The following EEA1 variants were observed in gnomAD, a reference collection of about 807,000 sequenced individuals.
EEA1 encodes early endosome antigen 1, 162kD.
EEA1 carries 111 observed loss-of-function variants against 209.2 expected under a neutral mutation model. The observed-to-expected ratio is 0.53, with a 90% CI of 0.45 to 0.62. EEA1 has a LOEUF of 0.62. Among genes scored for constraint, EEA1 ranks in the 20% least tolerant of loss-of-function variants. EEA1 has a pLI of 0.00. For missense variants in EEA1, 1,343 were observed against 1,530.8 expected, an observed-to-expected ratio of 0.88 and a Z score of 2.05; for synonymous variants, 536 against 540.6, an observed-to-expected ratio of 0.99 and a Z score of 0.12.
intron 1 of EEA1, among the ~76,000 whole-genome samples, chr12:92,908,797 CTT>C (rs1201139528): frequency 2.0e-5 from 3 of 152,016 alleles, no homozygotes; most frequent in African/African-American, 7.2e-5. Flanking sequence ...CATTTTATAT[CTT>C]AAATTTGAAT....
At chr12:92,780,950 A>C (rs1353525868) in intron 23 of EEA1, among the ~76,000 whole-genome samples, 1 of 152,212 alleles carries the variant, frequency 6.6e-6, no homozygotes, top group Non-Finnish European at 1.5e-5. Context: ...TCTATCACCC[A>C]GGCTGGAGTG....
chr12:92,856,597 T>C (rs1287231809), intron 5 of EEA1, among the ~76,000 whole-genome samples: 1 of 151,618 alleles, frequency 6.6e-6, no homozygotes, highest in African/African-American at 2.4e-5. Context: ...GCTAGTAATA[T>C]CTCTTTCCCT....
chr12:92,890,462 G>A (rs1260318007), intron 2 of EEA1, among the ~76,000 whole-genome samples: 2 of 152,006 alleles, frequency 1.3e-5, no homozygotes, highest in African/African-American at 2.4e-5. Flanking sequence ...ACTGAGAGAA[G>A]GTTAAAAAGA....
intron 17 of EEA1, among the ~76,000 whole-genome samples, chr12:92,809,988 T>C (rs981824784): frequency 1.3e-5 from 2 of 152,330 alleles, no homozygotes; most frequent in Non-Finnish European, 2.9e-5. Context: ...TTTAATCTCT[T>C]GGACTAGATG....
intron 21 of EEA1, among the ~76,000 whole-genome samples, chr12:92,790,699 T>A (rs765270011): frequency 6.6e-6 from 1 of 152,138 alleles, no homozygotes; most frequent in Non-Finnish European, 1.5e-5. Context: ...AAAACACTCT[T>A]CAGGATATTA....
At chr12:92,911,078 T>C (rs570739270) in intron 1 of EEA1, among the ~76,000 whole-genome samples, 169 of 150,560 alleles carry the variant, frequency 1.1e-3, no homozygotes, top group African/African-American at 4.0e-3. Flanking sequence ...AGTTTGGTAG[T>C]TCCTTACAAA....
chr12:92,838,275 T>C (rs1249010571), intron 10 of EEA1, among the ~76,000 whole-genome samples: 2 of 152,228 alleles, frequency 1.3e-5, no homozygotes, highest in African/African-American at 2.4e-5. Flanking sequence ...TATTTGACTG[T>C]ACATTTCAGC....
At chr12:92,849,816 A>C (rs1295607136) in intron 9 of EEA1, among the ~76,000 whole-genome samples, 1 of 152,156 alleles carries the variant, frequency 6.6e-6, no homozygotes, top group Non-Finnish European at 1.5e-5. Context: ...CAGTTACAAA[A>C]CTCTAAGGAA....
chr12:92,927,102 G>A (rs867806250), intron 1 of EEA1, among the ~76,000 whole-genome samples: 1 of 152,198 alleles, frequency 6.6e-6, no homozygotes, highest in Admixed American at 6.5e-5. Context: ...AAGAGTTAAT[G>A]CATTTAACAC....
chr12:92,888,871 C>T (rs1879537317), intron 2 of EEA1, among the ~76,000 whole-genome samples: 1 of 152,016 alleles, frequency 6.6e-6, no homozygotes, highest in African/African-American at 2.4e-5. Flanking sequence ...AAAAATGGGC[C>T]AGGCATGGTG....
intron 1 of EEA1, among the ~76,000 whole-genome samples, chr12:92,905,227 TTTC>T (rs1373669276): frequency 6.6e-6 from 1 of 152,180 alleles, no homozygotes. Context: ...CAAATATATA[TTTC>T]TTATTATAAC....
At chr12:92,855,618 T>C (rs2136713092) in intron 5 of EEA1, among the ~76,000 whole-genome samples, 1 of 152,274 alleles carries the variant, frequency 6.6e-6, no homozygotes, top group African/African-American at 2.4e-5. Flanking sequence ...TTTTATATTT[T>C]AAAGAATTAT....
chr12:92,855,916 T>C lies in EEA1; in HGVS notation c.366+1359A>G, dbSNP rs190398746. 1.4e-3 allele frequency among the ~76,000 whole-genome samples: 208 copies of C among 152,326 alleles called. 2 individuals carry two copies. Among genetic ancestry groups the C allele is most frequent in the African/African-American group, 4.7e-3 (194 of 41,596 alleles). ...CTCAATTAATTATTAATGGCATCTA[T>C]ATAAAACATGAGTAAATGAGTTATA... On this transcript the variant is annotated intron_variant, in intron 5 of 28. Coordinates refer to ENST00000322349, the MANE Select transcript of EEA1 (RefSeq NM_003566.4).
chr12:92,854,091 G>A (rs1247959933), intron 5 of EEA1, 137 bp from the exon 6 acceptor site: 2 of 604,338 alleles, frequency 3.3e-6, no homozygotes, highest in Non-Finnish European at 5.3e-6. Context: ...TTTAAATTTG[G>A]TGGTTTCCAT....
Position 92,834,546 on chromosome 12 carries a change from T to TAAAAAAAAAAAAAAAA in EEA1, c.916-1712_916-1697dup, listed in dbSNP as rs5800089. On this transcript the variant is annotated intron_variant, in intron 10 of 28. Coordinates refer to ENST00000322349, the MANE Select transcript of EEA1 (RefSeq NM_003566.4). The stretch of plus-strand genomic sequence containing the variant: ...GGCAACAAGGGCAAGACCCTGTCAC[T>TAAAAAAAAAAAAAAAA]AAAAAAAAAAAAAAAAAAAAAAAGA... 2.7e-5 allele frequency among the ~76,000 whole-genome samples: 2 copies of TAAAAAAAAAAAAAAAA among 74,430 alleles called. 1 individual carries two copies. The allele number at this position is 74,430 out of a possible 152,430, so 48.8% of individuals were successfully genotyped here.
chr12:92,884,959 G>GTT (rs1879317727), intron 2 of EEA1, among the ~76,000 whole-genome samples: 4 of 36,804 alleles, frequency 1.1e-4, no homozygotes, highest in East Asian at 1.5e-3. Flanking sequence ...TTTCAATGTA[G>GTT]ATTTTTTTTT....
intron 1 of EEA1, among the ~76,000 whole-genome samples, chr12:92,927,517 C>A (rs757996344): frequency 5.9e-5 from 9 of 152,186 alleles, no homozygotes; most frequent in Non-Finnish European, 1.0e-4. Context: ...TACTAGAAAG[C>A]ATCCCATATT....
rs550058517 is a variant in EEA1 at position 92,915,170 on chromosome 12, C to G, written c.24+13873G>C. 1.8e-3 allele frequency among the ~76,000 whole-genome samples: 270 copies of G among 152,160 alleles called. 3 individuals carry two copies. The highest frequency in any genetic ancestry group is 6.3e-3 in the African/African-American group (262 of 41,534). On this transcript the variant is annotated intron_variant, in intron 1 of 28. Coordinates refer to ENST00000322349, the MANE Select transcript of EEA1 (RefSeq NM_003566.4). ...TCTCTACACAAAAAAGACCTAGAAT[C>G]AAAATTTAAAAGCTGTCCAGGCACA...
At chr12:92,780,063 C>T (rs944291788) in intron 24 of EEA1, among the ~76,000 whole-genome samples, 3 of 152,064 alleles carry the variant, frequency 2.0e-5, no homozygotes, top group Non-Finnish European at 4.4e-5. Context: ...TACTTTGCTT[C>T]ATTGGGTAAT....
Sources: gnomAD v4.1 joint callset for allele counts (sites outside exome capture counted in the v4.1 genomes callset) on GRCh38, gnomAD v4.1.1 for gene constraint, MANE v1.5 for transcripts, NCBI Gene and HGNC (gene_info 2026-07-23, HGNC 2026-07-21) for gene names.